The following MET variants were observed in gnomAD, a reference collection of about 807,000 sequenced individuals.
MET encodes the protein hepatocyte growth factor receptor.
MET carries 48 observed loss-of-function variants against 133.1 expected under a neutral mutation model. The observed-to-expected ratio is 0.36, with a 90% CI of 0.29 to 0.46. The LOEUF is 0.46. Among genes scored for constraint, MET ranks in the 20% least tolerant of loss-of-function variants. The pLI, the probability that MET is intolerant of heterozygous loss-of-function variation, is 1.00. For synonymous variants in MET, 628 were observed against 616.5 expected (o/e 1.02, Z -0.28); for missense variants, 1,442 against 1,695.9 (o/e 0.85, Z 2.63).
chr7:116,754,924 AAAG>A (rs1386004773), intron 5 of MET, among the ~76,000 whole-genome samples: 1 of 148,344 alleles, frequency 6.7e-6, no homozygotes, highest in Non-Finnish European at 1.5e-5. Flanking sequence ...AGAAAGAAAG[AAAG>A]AAAGAAAGAA....
intron 1 of MET, among the ~76,000 whole-genome samples, chr7:116,697,347 A>G (rs1252510349): frequency 1.3e-5 from 2 of 152,150 alleles, no homozygotes; most frequent in African/African-American, 2.4e-5. Context: ...GGATATAAAA[A>G]TAGCCTGTCA....
chr7:116,683,696 GC>G (rs1300213412), intron 1 of MET, among the ~76,000 whole-genome samples: 1 of 152,100 alleles, frequency 6.6e-6, no homozygotes, highest in East Asian at 1.9e-4. Flanking sequence ...AATCACCAGT[GC>G]CCTCCTCATG....
intron 6 of MET, among the ~76,000 whole-genome samples, 196 bp downstream of exon 6, chr7:116,755,711 G>A (rs1395027799): frequency 1.3e-5 from 2 of 152,180 alleles, no homozygotes; most frequent in Non-Finnish European, 2.9e-5. Flanking sequence ...AGAGAGAAAG[G>A]TGACATGGCC....
chr7:116,680,728 G>C (rs1796323326), intron 1 of MET, among the ~76,000 whole-genome samples: 1 of 152,114 alleles, frequency 6.6e-6, no homozygotes, highest in Non-Finnish European at 1.5e-5. Flanking sequence ...GATGGCTTGA[G>C]CTCAGGAGTT....
intron 2 of MET, among the ~76,000 whole-genome samples, chr7:116,730,986 A>C (rs1792982084): frequency 6.6e-6 from 1 of 152,202 alleles, no homozygotes; most frequent in Admixed American, 6.5e-5. Context: ...CTATTGTGAG[A>C]GATTTATATA....
In MET at chr7:116,798,010, T is replaced by A. The variant is rs536185931; in HGVS notation, c.*1886T>A. The A allele has an allele frequency of 5.3e-4, 117 of 220,364 alleles. No individual in the cohort carries two copies. Among genetic ancestry groups the A allele is most frequent in the African/African-American group, 2.4e-3 (108 of 44,692 alleles). 13.7% of individuals were successfully genotyped at this position (220,364 alleles called of 1,614,324 possible). A position where few individuals can be genotyped will look rare whatever the true frequency, so the allele number is the denominator to read the frequency against. ...AAATATTGCCGTTTCATAAATGTAATAAGTAATACTAATTCACAGAGTATT... is the reference window on the plus strand; with the variant it reads ...AAATATTGCCGTTTCATAAATGTAAAAAGTAATACTAATTCACAGAGTATT... On this transcript the variant is annotated 3_prime_UTR_variant, in exon 21 of 21. Transcript: ENST00000397752.
At chr7:116,770,486 A>G (rs1794796780) in intron 12 of MET, among the ~76,000 whole-genome samples, 1 of 152,148 alleles carries the variant, frequency 6.6e-6, no homozygotes, top group African/African-American at 2.4e-5. Context: ...AATTTCATTC[A>G]CAGTGTTGTA....
At chr7:116,694,726 C>T (rs965356945) in intron 1 of MET, among the ~76,000 whole-genome samples, 17 of 152,150 alleles carry the variant, frequency 1.1e-4, no homozygotes, top group African/African-American at 4.1e-4. Context: ...CTCGCTCTGT[C>T]ATCAGGCTGG....
chr7:116,787,128 A>G (rs1252597448), intron 19 of MET, among the ~76,000 whole-genome samples: 1 of 152,184 alleles, frequency 6.6e-6, no homozygotes, highest in Admixed American at 6.5e-5. Flanking sequence ...TGATAGTGCC[A>G]TGTAGAGCTT....
rs531456758 is a variant in MET, at chr7:116,796,780, G to A, written c.*656G>A. ...ACTACAGGCGCACACCACCATCCCC[G>A]GCTAATTTTTGTATTTTTTGTAGAG... On this transcript the variant is annotated 3_prime_UTR_variant, in exon 21 of 21. Transcript: ENST00000397752. 149 of 188,932 alleles carry A rather than the reference G, an allele frequency of 7.9e-4. No individual in the cohort carries two copies. Among genetic ancestry groups the A allele is most frequent in the African/African-American group, 1.8e-3 (75 of 42,770 alleles). The allele number at this position is 188,932 out of a possible 1,614,324, so 11.7% of individuals were successfully genotyped here.
At chr7:116,754,997 A>AAAGAAAGAAAGC (rs1394303425) in intron 5 of MET, among the ~76,000 whole-genome samples, 7 of 147,776 alleles carry the variant, frequency 4.7e-5, no homozygotes, top group Non-Finnish European at 9.0e-5. Flanking sequence ...AGAAAGAAAG[A>AAAGAAAGAAAGC]AAGAAAGAAA....
intron 19 of MET, among the ~76,000 whole-genome samples, chr7:116,794,317 C>T (rs941386557): frequency 1.3e-5 from 2 of 152,100 alleles, no homozygotes; most frequent in African/African-American, 2.4e-5. Context: ...AAAGTTAACA[C>T]GATGATGTTG....
chr7:116,734,478 G>A (rs1042160259), intron 3 of MET, among the ~76,000 whole-genome samples: 12 of 152,128 alleles, frequency 7.9e-5, no homozygotes, highest in African/African-American at 2.9e-4. Context: ...GAATTATATT[G>A]TTTAGCTAAC....
chr7:116,708,154 C>T (rs1388762352), intron 2 of MET, among the ~76,000 whole-genome samples: 1 of 152,104 alleles, frequency 6.6e-6, no homozygotes, highest in Non-Finnish European at 1.5e-5. Context: ...TGAACAAATA[C>T]ATCATGATAA....
chr7:116,770,192 T>G (rs1009385386), intron 12 of MET, among the ~76,000 whole-genome samples: 2 of 152,222 alleles, frequency 1.3e-5, no homozygotes, highest in African/African-American at 2.4e-5. Flanking sequence ...GGAAGATGCA[T>G]GCATCAAACA....
chr7:116,698,028 T>C (rs896444215), intron 1 of MET, among the ~76,000 whole-genome samples: 5 of 152,172 alleles, frequency 3.3e-5, no homozygotes, highest in Non-Finnish European at 5.9e-5. Context: ...TTGGCAGTCA[T>C]GATGCCTAGT....
chr7:116,776,923 T>C (rs931895559), intron 15 of MET, among the ~76,000 whole-genome samples: 1 of 152,238 alleles, frequency 6.6e-6, no homozygotes, highest in South Asian at 2.1e-4. Flanking sequence ...CTAATCCTAT[T>C]TTTAATGGTA....
In MET at chr7:116,755,363, A is replaced by G. The variant is rs199705069; in HGVS notation, c.1710A>G (p.Pro570=). 3 of 1,614,078 alleles carry G rather than the reference A, an allele frequency of 1.9e-6. No homozygotes were observed. The highest frequency in any genetic ancestry group is 1.7e-6 in the Non-Finnish European group (2 of 1,179,992). Residue 570 remains proline, a synonymous_variant, in exon 6 of 21, where the codon CCA becomes CCG. Transcript: ENST00000397752. ...ICLPAIYKVF[P]NSAPLEGGTR... Reference sequence around the variant, plus strand: ...CTATGTTGTCCTTGTAGGTTTTCCCAAATAGTGCACCCCTTGAAGGAGGGA... The same window carrying G: ...CTATGTTGTCCTTGTAGGTTTTCCCGAATAGTGCACCCCTTGAAGGAGGGA...
chr7:116,797,339 C>G lies in MET; in HGVS notation c.*1215C>G, dbSNP rs1276638458. The G allele has an allele frequency of 8.8e-6, 2 of 227,866 alleles. No individual in the cohort carries two copies. The highest frequency in any genetic ancestry group is 1.3e-4 in the East Asian group (2 of 15,898). 14.1% of individuals were successfully genotyped at this position (227,866 alleles called of 1,614,324 possible). A position where few individuals can be genotyped will look rare whatever the true frequency, so the allele number is the denominator to read the frequency against. ...AGGGTGGATGGATTGAAAAGATTAG[C>G]CTCTGTCTCGGTGGCAGGTTCCCAC... On this transcript the variant is annotated 3_prime_UTR_variant, in exon 21 of 21. Transcript: ENST00000397752.
Sources: allele counts gnomAD v4.1 joint callset (sites outside exome capture counted in the v4.1 genomes callset), GRCh38; gene constraint gnomAD v4.1.1; transcripts MANE v1.5; gene names NCBI Gene and HGNC (gene_info 2026-07-23, HGNC 2026-07-21).